Variants in MAF observed in about 807,000 individuals in gnomAD.
The protein encoded by MAF is MAF bZIP transcription factor, also known as transcription factor Maf.
In MAF, 10 loss-of-function variants were observed where a neutral mutation model predicts 22.0. The ratio of observed to expected loss-of-function variants is 0.45; its 90% CI spans 0.28 to 0.77. The LOEUF (loss-of-function observed/expected upper bound fraction) is 0.77. Among genes scored for constraint, MAF ranks in the 30% least tolerant of loss-of-function variants. The pLI is 0.12. For synonymous variants in MAF, 337 were observed against 255.8 expected (o/e 1.32, Z -3.03); for missense variants, 544 against 548.4 (o/e 0.99, Z 0.08).
rs1398148152 is a variant in MAF, at chr16:79,600,457, T to A, written c.-555A>T. ...GAGTTAACACTTCATGCTTCTCGCC[T>A]CCTCTTCTGCTTGGCTCTCTTTATT... On this transcript the variant is annotated 5_prime_UTR_variant, in exon 1 of 2. Transcript: ENST00000326043. The A allele has an allele frequency of 5.1e-6, 1 of 195,966 alleles. No homozygotes were observed. The highest frequency in any genetic ancestry group is 1.2e-5 in the Non-Finnish European group (1 of 85,346). 12.1% of individuals were successfully genotyped at this position (195,966 alleles called of 1,614,324 possible).
the MAF span, among the ~76,000 whole-genome samples, chr16:79,483,764 G>A: frequency 6.6e-6 from 1 of 152,148 alleles, no homozygotes; most frequent in Non-Finnish European, 1.5e-5. Flanking sequence ...AGCTTCTGGG[G>A]CTGGATAAGC....
the MAF span, among the ~76,000 whole-genome samples, chr16:79,564,455 G>C: frequency 6.6e-6 from 1 of 152,164 alleles, no homozygotes; most frequent in Admixed American, 6.5e-5. Flanking sequence ...GCTATGAACT[G>C]GGCACACTGG....
chr16:79,434,898 A>T, the MAF span, among the ~76,000 whole-genome samples: 1 of 152,154 alleles, frequency 6.6e-6, no homozygotes, highest in African/African-American at 2.4e-5. Flanking sequence ...GAGGTACTGG[A>T]TGCTTCATTA....
At chr16:79,441,116 T>C in the MAF span, among the ~76,000 whole-genome samples, 4 of 152,252 alleles carry the variant, frequency 2.6e-5, no homozygotes, top group Non-Finnish European at 5.9e-5. Flanking sequence ...AGATTACTAG[T>C]ACATGCCAGC....
the MAF span, among the ~76,000 whole-genome samples, chr16:79,208,986 C>T: frequency 8.5e-5 from 13 of 152,224 alleles, no homozygotes; most frequent in East Asian, 1.2e-3. Flanking sequence ...CAAAGGTGGA[C>T]GATTGATTTT....
rs576938592 is a variant in MAF, at chr16:79,596,111, T to C, written c.1119-1558A>G. The C allele has an allele frequency of 1.1e-5, 12 of 1,062,178 alleles. No individual in the cohort carries two copies. In the African/African-American group the frequency reaches 1.8e-4, roughly 16 times the overall value. 65.8% of individuals were successfully genotyped at this position (1,062,178 alleles called of 1,614,324 possible). On this transcript the variant is annotated intron_variant, in intron 1 of 1. Coordinates refer to ENST00000326043, the MANE Select transcript of MAF (RefSeq NM_005360.5). ...TGCGCAAGCCACCTCTGATGCGCCA[T>C]ATTTGTCCGGCTCCTCTGTCTATGG...
chr16:79,316,726 G>A, the MAF span, among the ~76,000 whole-genome samples: 17 of 152,074 alleles, frequency 1.1e-4, no homozygotes, highest in Admixed American at 4.6e-4. Context: ...AGAATATTCA[G>A]TTGGCCTTAC....
At chr16:79,214,478 T>G in the MAF span, among the ~76,000 whole-genome samples, 1 of 152,156 alleles carries the variant, frequency 6.6e-6, no homozygotes, top group African/African-American at 2.4e-5. Context: ...TGATCTCAGC[T>G]CACTGCAACC....
At chr16:79,581,853 C>A (rs1170885245), downstream of MAF, among the ~76,000 whole-genome samples, 1 of 152,328 alleles carries the variant, frequency 6.6e-6, no homozygotes, top group East Asian at 1.9e-4. Context: ...CCTGAGGTCA[C>A]TGCTCGGTGG....
At chr16:79,568,198 C>T in the MAF span, among the ~76,000 whole-genome samples, 4 of 152,212 alleles carry the variant, frequency 2.6e-5, no homozygotes, top group South Asian at 2.1e-4. Context: ...TTTACCTCTG[C>T]GGCTGTAGTT....
chr16:79,337,017 A>C, the MAF span, among the ~76,000 whole-genome samples: 3 of 152,230 alleles, frequency 2.0e-5, no homozygotes, highest in African/African-American at 7.2e-5. Flanking sequence ...CAAAGGCATC[A>C]AATAAATCAT....
the MAF span, among the ~76,000 whole-genome samples, chr16:79,361,115 C>T: frequency 3.6e-4 from 55 of 152,274 alleles, no homozygotes; most frequent in African/African-American, 1.2e-3. Flanking sequence ...TCTTTGGGTT[C>T]CCAAGGAACA....
At chr16:79,590,039 C>A (rs1367740320), downstream of MAF, among the ~76,000 whole-genome samples, 1 of 152,200 alleles carries the variant, frequency 6.6e-6, no homozygotes, top group Non-Finnish European at 1.5e-5. Context: ...CCAGTCCCTG[C>A]GCACCTACTG....
the MAF span, among the ~76,000 whole-genome samples, chr16:79,525,413 G>A: frequency 1.3e-5 from 2 of 152,164 alleles, no homozygotes; most frequent in African/African-American, 4.8e-5. Flanking sequence ...CTTGTTTCTA[G>A]AGGATCAAAC....
chr16:79,585,970 A>G, intron 1 of MAF: 1 of 670,188 alleles, frequency 1.5e-6, no homozygotes, highest in Non-Finnish European at 2.7e-6. Flanking sequence ...TAAAATAAAC[A>G]AAGGGTAATT....
the MAF span, among the ~76,000 whole-genome samples, chr16:79,541,334 T>C: frequency 3.9e-5 from 6 of 152,176 alleles, no homozygotes; most frequent in African/African-American, 7.2e-5. Context: ...ACTGTCAGAC[T>C]ATGCACCTGT....
the MAF span, among the ~76,000 whole-genome samples, chr16:79,284,161 G>A: frequency 6.6e-5 from 10 of 152,136 alleles, no homozygotes; most frequent in Non-Finnish European, 1.0e-4. Context: ...CCTTCAGCAA[G>A]CTTTGCGCCC....
chr16:79,492,209 G>T, the MAF span, among the ~76,000 whole-genome samples: 1 of 152,308 alleles, frequency 6.6e-6, no homozygotes, highest in East Asian at 1.9e-4. Flanking sequence ...GACCACACAT[G>T]AAGAATGCAG....
intron 1 of MAF, chr16:79,594,915 T>A: frequency 8.7e-7 from 1 of 1,146,244 alleles, no homozygotes; most frequent in Non-Finnish European, 1.1e-6. Flanking sequence ...ACCTTGTAGA[T>A]TCCTATCAAA....
Sources: allele counts gnomAD v4.1 joint callset (sites outside exome capture counted in the v4.1 genomes callset), GRCh38; gene constraint gnomAD v4.1.1; transcripts MANE v1.5; gene names NCBI Gene and HGNC (gene_info 2026-07-23, HGNC 2026-07-21).